Variants in NELL2 observed in about 807,000 individuals in gnomAD.
The protein encoded by NELL2 is protein kinase C-binding protein NELL2.
In NELL2, 41 loss-of-function variants were observed where a neutral mutation model predicts 109.6. That is an observed-to-expected ratio of 0.37 (90% CI 0.29 to 0.49). The LOEUF is 0.49. NELL2 is among the 20% of genes least tolerant of loss of function. The probability of loss-of-function intolerance (pLI) is 0.98; values close to 1 mark genes in which losing one functional copy is unlikely to be tolerated. For synonymous variants in NELL2, 355 were observed against 344.7 expected (o/e 1.03, Z -0.33); for missense variants, 900 against 1,008.3 (o/e 0.89, Z 1.45).
At chr12:44,565,362 C>A (rs1005794164) in intron 15 of NELL2, among the ~76,000 whole-genome samples, 1 of 152,118 alleles carries the variant, frequency 6.6e-6, no homozygotes, top group Non-Finnish European at 1.5e-5. Flanking sequence ...ACAATGACAT[C>A]ATCATTAGAC....
chr12:44,663,241 A>T (rs1452259), intron 13 of NELL2, among the ~76,000 whole-genome samples: 1 of 151,930 alleles, frequency 6.6e-6, no homozygotes, highest in East Asian at 1.9e-4. Context: ...TGACCTTCTA[A>T]GGCCTAACAT....
At chr12:44,516,618 GTTTA>G (rs1565855468) in intron 19 of NELL2, among the ~76,000 whole-genome samples, 2 of 152,084 alleles carry the variant, frequency 1.3e-5, no homozygotes, top group African/African-American at 2.4e-5. Context: ...TTAGTGAGTT[GTTTA>G]TTTATCCTTT....
At chr12:44,523,098 A>G (rs1592064470) in intron 17 of NELL2, 193 bp downstream of exon 17, 4 of 621,012 alleles carry the variant, frequency 6.4e-6, no homozygotes, top group South Asian at 6.0e-5. Flanking sequence ...TTTTGCCTGG[A>G]TCTAAGGTTG....
rs373523473 is a variant in NELL2, at chr12:44,850,115, T to G, written c.184+25110A>C. 1.1e-4 allele frequency among the ~76,000 whole-genome samples: 16 copies of G among 152,292 alleles called. No homozygotes were observed. In the East Asian group the frequency reaches 2.9e-3, roughly 28 times the overall value. On this transcript the variant is annotated intron_variant, in intron 2 of 19. Coordinates refer to ENST00000429094, the MANE Select transcript of NELL2 (RefSeq NM_001145108.2). ...AAACTAAGCACTCAAGATTTGTGCA[T>G]TTAATTGCATGTTAATTATACCTCA...
At chr12:44,642,071 A>G (rs1176085911) in intron 13 of NELL2, among the ~76,000 whole-genome samples, 3 of 152,126 alleles carry the variant, frequency 2.0e-5, no homozygotes, top group Non-Finnish European at 4.4e-5. Context: ...TGCCCAATTC[A>G]GAGGCTTTTG....
intron 3 of NELL2, among the ~76,000 whole-genome samples, chr12:44,792,401 G>A (rs114493994): frequency 0.015 from 2,208 of 151,914 alleles, 52 homozygotes; most frequent in African/African-American, 0.05. Context: ...ATGCTGCTGC[G>A]GATAATCTTG....
chr12:44,554,814 A>G (rs1943182152), intron 15 of NELL2, among the ~76,000 whole-genome samples: 1 of 152,170 alleles, frequency 6.6e-6, no homozygotes, highest in South Asian at 2.1e-4. Context: ...CAGTTACAGG[A>G]AGTGGGAGAA....
chr12:44,821,933 T>C (rs1216419761), intron 2 of NELL2, among the ~76,000 whole-genome samples: 1 of 142,292 alleles, frequency 7.0e-6, no homozygotes, highest in Non-Finnish European at 1.5e-5. Context: ...TTATTTATTT[T>C]GGTATTTTTT....
chr12:44,759,218 A>C (rs1941017742), intron 9 of NELL2, among the ~76,000 whole-genome samples: 1 of 152,186 alleles, frequency 6.6e-6, no homozygotes, highest in African/African-American at 2.4e-5. Flanking sequence ...CAGGGTATTA[A>C]AAAACTGTAG....
intron 12 of NELL2, among the ~76,000 whole-genome samples, chr12:44,674,469 C>A (rs952036877): frequency 3.9e-5 from 6 of 152,034 alleles, no homozygotes; most frequent in Non-Finnish European, 8.8e-5. Context: ...TAATGTAAGA[C>A]CTCATGTTAT....
intron 9 of NELL2, among the ~76,000 whole-genome samples, chr12:44,744,884 G>A (rs1940233886): frequency 1.3e-5 from 2 of 152,170 alleles, no homozygotes; most frequent in South Asian, 4.1e-4. Flanking sequence ...ACAAAGAGGA[G>A]CTGGTACCAT....
intron 9 of NELL2, among the ~76,000 whole-genome samples, chr12:44,724,088 T>G (rs1396862867): frequency 1.3e-5 from 2 of 151,924 alleles, no homozygotes; most frequent in African/African-American, 4.8e-5. Context: ...TCATGCCCTT[T>G]GCAAAACTTG....
intron 12 of NELL2, among the ~76,000 whole-genome samples, chr12:44,699,215 C>A (rs1949148746): frequency 6.6e-6 from 1 of 151,872 alleles, no homozygotes. Flanking sequence ...AGTAAGAAAT[C>A]TATAGGAGGT....
intron 15 of NELL2, among the ~76,000 whole-genome samples, chr12:44,544,201 A>G (rs535525114): frequency 3.2e-4 from 49 of 152,290 alleles, no homozygotes; most frequent in African/African-American, 1.2e-3. Context: ...AACTAGTGAT[A>G]TAACTATATT....
At chr12:44,658,877 C>CAAAAAAAAAAAAAAAAAAA (rs58696965) in intron 13 of NELL2, among the ~76,000 whole-genome samples, 11 of 69,900 alleles carry the variant, frequency 1.6e-4, no homozygotes, top group Admixed American at 3.5e-4. Context: ...ACTCTGTCTC[C>CAAAAAAAAAAAAAAAAAAA]AAAAAAAAAA....
intron 2 of NELL2, among the ~76,000 whole-genome samples, chr12:44,870,241 T>C (rs1945124483): frequency 6.6e-6 from 1 of 152,196 alleles, no homozygotes; most frequent in Admixed American, 6.5e-5. Context: ...CTCTTCACTT[T>C]CTTCTAAGTC....
chr12:44,636,397 C>T (rs1468758421), intron 13 of NELL2, among the ~76,000 whole-genome samples: 3 of 152,112 alleles, frequency 2.0e-5, no homozygotes, highest in African/African-American at 7.2e-5. Context: ...TTTGCCCATT[C>T]AGTATGATAT....
intron 9 of NELL2, among the ~76,000 whole-genome samples, chr12:44,720,742 G>C (rs73278122): frequency 0.025 from 3,788 of 152,244 alleles, 151 homozygotes; most frequent in African/African-American, 0.085. Flanking sequence ...CTGCCCCTTA[G>C]CTAAATCTCA....
intron 15 of NELL2, among the ~76,000 whole-genome samples, chr12:44,604,059 C>T (rs1321784437): frequency 6.6e-6 from 1 of 152,084 alleles, no homozygotes; most frequent in Non-Finnish European, 1.5e-5. Context: ...GAAAAACTGC[C>T]ACAGTCTTCA....
Sources: allele counts gnomAD v4.1 joint callset (sites outside exome capture counted in the v4.1 genomes callset), GRCh38; gene constraint gnomAD v4.1.1; transcripts MANE v1.5; gene names NCBI Gene and HGNC (gene_info 2026-07-23, HGNC 2026-07-21).